TNFRSF10A: variants seen among roughly 807,000 people sequenced by gnomAD.
TNFRSF10A encodes the protein TNF receptor superfamily member 10a.
A neutral mutation model predicts 42.8 loss-of-function variants in TNFRSF10A; 44 were observed. The observed-to-expected ratio is 1.03, with a 90% CI of 0.81 to 1.32. The LOEUF is 1.32. Ranked by LOEUF, TNFRSF10A falls within the 40% of genes most tolerant of loss-of-function variation. TNFRSF10A has a pLI of 0.00. For synonymous variants in TNFRSF10A, 259 were observed against 234.2 expected, an observed-to-expected ratio of 1.11 and a Z score of -0.97; for missense variants, 680 against 602.0, an observed-to-expected ratio of 1.13 and a Z score of -1.36.
In TNFRSF10A at chr8:23,199,984, AGT is replaced by A; in HGVS notation, c.800-69_800-68del. On this transcript the variant is annotated intron_variant, in intron 6 of 9. Coordinates refer to ENST00000221132, the MANE Select transcript of TNFRSF10A (RefSeq NM_003844.4). Reference sequence around the variant, plus strand: ...CATGCAGCACTCCTTCTTAGAGGGCAGTGTTGGGCAGGGGTGGGCTGGGGGCT... The same window carrying A: ...CATGCAGCACTCCTTCTTAGAGGGCAGTTGGGCAGGGGTGGGCTGGGGGCT... The A allele has an allele frequency of 3.5e-6, 3 of 851,104 alleles. No homozygotes were observed. The South Asian group carries it at 3.9e-5, about 11-fold the overall frequency. The allele number at this position is 851,104 out of a possible 1,614,324, so 52.7% of individuals were successfully genotyped here.
intron 2 of TNFRSF10A, among the ~76,000 whole-genome samples, chr8:23,207,898 A>C (rs931879855): frequency 9.7e-5 from 13 of 134,714 alleles, no homozygotes; most frequent in Admixed American, 3.7e-4. Context: ...CATCAGCAGC[A>C]CGAAAAAAAA....
At chr8:23,197,498 A>G (rs575764457) in intron 8 of TNFRSF10A, among the ~76,000 whole-genome samples, 3 of 152,234 alleles carry the variant, frequency 2.0e-5, no homozygotes, top group Admixed American at 6.5e-5. Context: ...CCTTATGAGA[A>G]TCTTATGCCT....
intron 9 of TNFRSF10A, among the ~76,000 whole-genome samples, chr8:23,193,061 G>A (rs561966017): frequency 2.0e-5 from 3 of 152,252 alleles, no homozygotes; most frequent in African/African-American, 7.2e-5. Context: ...GTTTTAGTTG[G>A]TCAGGGAGAT....
chr8:23,212,254 T>A (rs778104061), intron 1 of TNFRSF10A, 42 bp from the exon 2 acceptor site: 3 of 1,534,778 alleles, frequency 2.0e-6, no homozygotes, highest in Non-Finnish European at 2.7e-6. Flanking sequence ...GGCTTCCAGA[T>A]CTCACCCATT....
intron 7 of TNFRSF10A, 41 bp from the exon 8 acceptor site, chr8:23,199,489 G>C (rs758920351): frequency 4.0e-5 from 64 of 1,596,304 alleles, no homozygotes; most frequent in Non-Finnish European, 5.3e-5. Context: ...CCACACCCAG[G>C]GCTCCCCACG....
intron 9 of TNFRSF10A, among the ~76,000 whole-genome samples, chr8:23,196,581 C>T (rs1800827511): frequency 6.6e-6 from 1 of 152,194 alleles, no homozygotes; most frequent in Non-Finnish European, 1.5e-5. Flanking sequence ...CTCCCATCTC[C>T]TTGCCTACAG....
intron 9 of TNFRSF10A, among the ~76,000 whole-genome samples, chr8:23,193,146 A>G (rs1469031444): frequency 6.6e-6 from 1 of 152,182 alleles, no homozygotes; most frequent in Non-Finnish European, 1.5e-5. Context: ...TCATCATCTC[A>G]GTGACTGGCT....
intron 1 of TNFRSF10A, among the ~76,000 whole-genome samples, chr8:23,217,350 G>A (rs1231741986): frequency 6.6e-6 from 1 of 152,060 alleles, no homozygotes; most frequent in Non-Finnish European, 1.5e-5. Context: ...CCCAGTAGCT[G>A]AGATTACAGG....
At chr8:23,222,333 T>C (rs1321165389) in intron 1 of TNFRSF10A, among the ~76,000 whole-genome samples, 1 of 152,296 alleles carries the variant, frequency 6.6e-6, no homozygotes, top group Non-Finnish European at 1.5e-5. Context: ...CATTGACATA[T>C]GGACATATGA....
In TNFRSF10A at chr8:23,224,986, C is replaced by T. The variant is rs1456070915; in HGVS notation, c.76G>A (p.Gly26Arg). Reference sequence around the variant, plus strand: ...GGTGTGGCCGCGGCTGCCTCTGTCCCACTCGCTGCGCTCCCGGGATTCGGA... The same window carrying T: ...GGTGTGGCCGCGGCTGCCTCTGTCCTACTCGCTGCGCTCCCGGGATTCGGA... ...VTPNPGSAAS[G>R]TEAAAATPSK... Residue 26 changes from glycine to arginine, a missense_variant, in exon 1 of 10, where the codon GGG (glycine) becomes AGG (arginine). Coordinates refer to ENST00000221132, the MANE Select transcript of TNFRSF10A (RefSeq NM_003844.4). 3 of 1,594,102 alleles carry T rather than the reference C, an allele frequency of 1.9e-6. No homozygotes were observed. Among genetic ancestry groups the T allele is most frequent in the Non-Finnish European group, 2.6e-6 (3 of 1,169,190 alleles).
At chr8:23,197,429 CT>C (rs1387247066) in intron 8 of TNFRSF10A, among the ~76,000 whole-genome samples, 1 of 152,176 alleles carries the variant, frequency 6.6e-6, no homozygotes, top group Non-Finnish European at 1.5e-5. Flanking sequence ...ACATTAGATT[CT>C]TATAGGAGTG....
chr8:23,220,361 C>T (rs937252381), intron 1 of TNFRSF10A, among the ~76,000 whole-genome samples: 14 of 152,174 alleles, frequency 9.2e-5, no homozygotes, highest in Admixed American at 8.5e-4. Flanking sequence ...TTCCACCTCA[C>T]CTCTCTCTTT....
rs1378605649 is a variant in TNFRSF10A, at chr8:23,192,004, A to T, written c.1097T>A (p.Leu366Gln). The change falls in exon 10 of 10, where the codon CTG (leucine) becomes CAG (glutamine). Residue 366 changes from leucine to glutamine, a missense_variant. Leu to Gln is a moderately radical substitution (Grantham distance 113). Coordinates refer to ENST00000221132, the MANE Select transcript of TNFRSF10A (RefSeq NM_003844.4). ...NGADPTETLM[L>Q]FFDKFANIVP... ...GATGTTTGCAAACTTGTCAAAGAACAGCATCAGAGCTGGGTGGAGAAAGCC... is the reference window on the plus strand; with the variant it reads ...GATGTTTGCAAACTTGTCAAAGAACTGCATCAGAGCTGGGTGGAGAAAGCC... The T allele has an allele frequency of 6.2e-7, 1 of 1,612,908 alleles. No homozygotes were observed. Among genetic ancestry groups the T allele is most frequent in the Non-Finnish European group, 8.5e-7 (1 of 1,179,716 alleles).
Position 23,212,101 on chromosome 8 carries a change from A to G in TNFRSF10A, c.403+15T>C, listed in dbSNP as rs765264910. 5.0e-6 allele frequency: 8 copies of G among 1,605,604 alleles called. No individual in the cohort carries two copies. The African/African-American group carries it at 9.4e-5, about 19-fold the overall frequency. On this transcript the variant is annotated intron_variant, in intron 2 of 9. Transcript: ENST00000221132. ...AGAGAGGTGTAAAGGATTAGAGATC[A>G]GTCTTAGAATGTACCTGGTGGACAC... is the stretch of plus-strand genomic sequence containing the variant.
rs1243266162 is a variant in TNFRSF10A, at chr8:23,212,120, T to G, written c.399A>C (p.Pro133=). 1.2e-6 allele frequency: 2 copies of G among 1,613,088 alleles called. No homozygotes were observed. Among genetic ancestry groups the G allele is most frequent in the Non-Finnish European group, 1.7e-6 (2 of 1,179,300 alleles). The change falls in exon 2 of 10, where the codon CCA becomes CCC. Residue 133 remains proline (P), a synonymous_variant. Transcript: ENST00000221132. ...WEHSPLGELC[P]PGSHRSEHPG... is the part of the protein sequence containing the mutation. ...GAGATCAGTCTTAGAATGTACCTGG[T>G]GGACACAACTCTCCCAAAGGGCTAT...
Position 23,190,924 on chromosome 8 carries a change from C to G in TNFRSF10A, c.*770G>C, listed in dbSNP as rs1319313455. The G allele has an allele frequency of 6.6e-6, 1 of 152,232 alleles. No homozygotes were observed. The highest frequency in any genetic ancestry group is 1.5e-5 in the Non-Finnish European group (1 of 68,058). The allele number at this position is 152,232 out of a possible 1,614,324, so 9.4% of individuals were successfully genotyped here. A position where few individuals can be genotyped will look rare whatever the true frequency, so the allele number is the denominator to read the frequency against. On this transcript the variant is annotated 3_prime_UTR_variant, in exon 10 of 10. Transcript: ENST00000221132. The stretch of plus-strand genomic sequence containing the variant: ...TGGTGTATGCCCTGGAGTCCAAGGG[C>G]TAGAAATCCTAGACTCTGATGTCCA...
Position 23,197,159 on chromosome 8 carries a change from G to C in TNFRSF10A, c.1060C>G (p.Pro354Ala). ...TCAGTGGGGTCAGCACCATTTGCTG[G>C]AACCAGCAGCCTCCTCCTCTGAGAC... Reference protein sequence around the residue: ...EGSQRRRLLVPANGADPTETL... With the variant: ...EGSQRRRLLVAANGADPTETL... The change falls in exon 9 of 10, where the codon CCA becomes GCA. Residue 354 changes from proline (P) to alanine (A), a missense_variant. Physicochemically the swap from Pro to Ala is conservative, Grantham distance 27. Coordinates refer to ENST00000221132, the MANE Select transcript of TNFRSF10A (RefSeq NM_003844.4). 1 of 1,614,124 alleles carries C rather than the reference G, an allele frequency of 6.2e-7. No individual in the cohort carries two copies. The highest frequency in any genetic ancestry group is 1.7e-5 in the Admixed American group (1 of 60,012).
At chr8:23,200,892 C>T in intron 4 of TNFRSF10A, 132 bp from the exon 5 acceptor site, 1 of 861,756 alleles carries the variant, frequency 1.2e-6, no homozygotes, top group Non-Finnish European at 1.9e-6. Context: ...CTCGTATCTG[C>T]AGGGGGTCCC....
intron 2 of TNFRSF10A, among the ~76,000 whole-genome samples, chr8:23,209,013 A>G (rs887478185): frequency 2.0e-5 from 3 of 152,208 alleles, no homozygotes; most frequent in Non-Finnish European, 4.4e-5. Context: ...GTAGGAGTCC[A>G]GGGTCTTGTG....
Sources: allele counts gnomAD v4.1 joint callset (sites outside exome capture counted in the v4.1 genomes callset), GRCh38; gene constraint gnomAD v4.1.1; transcripts MANE v1.5; gene names NCBI Gene and HGNC (gene_info 2026-07-23, HGNC 2026-07-21).